The following SCAMP2 variants were observed in gnomAD, a reference collection of about 807,000 sequenced individuals.
SCAMP2 encodes secretory carrier membrane protein 2.
Under a neutral mutation model 44.1 loss-of-function variants are expected in SCAMP2, and 25 were observed. That is an observed-to-expected ratio of 0.57 (90% CI 0.41 to 0.79). The LOEUF is 0.79. Ranked by LOEUF, SCAMP2 falls within the 30% of genes least tolerant of loss-of-function variation. The pLI, the probability that SCAMP2 is intolerant of heterozygous loss-of-function variation, is 0.00. For synonymous variants in SCAMP2, 156 were observed against 166.0 expected (o/e 0.94, Z 0.46); for missense variants, 355 against 411.0 (o/e 0.86, Z 1.18).
chr15:74,862,967 T>C (rs1400093774), intron 1 of SCAMP2, among the ~76,000 whole-genome samples: 1 of 150,772 alleles, frequency 6.6e-6, no homozygotes, highest in Non-Finnish European at 1.5e-5. Flanking sequence ...CCCAGCACTC[T>C]AAGAGGCTGA....
chr15:74,872,002 G>C (rs1001377418), intron 1 of SCAMP2, among the ~76,000 whole-genome samples: 1 of 151,794 alleles, frequency 6.6e-6, no homozygotes, highest in Non-Finnish European at 1.5e-5. Context: ...CCGAGATCGC[G>C]CTACTGCACT....
Position 74,854,624 on chromosome 15 carries a change from T to C in SCAMP2, c.83A>G (p.Asn28Ser), listed in dbSNP as rs771394568. The change falls in exon 2 of 9, where the codon AAC (asparagine) becomes AGC (serine). Residue 28 changes from asparagine to serine, a missense_variant. Asn to Ser is a conservative substitution (Grantham distance 46, BLOSUM62 1). Coordinates refer to ENST00000268099, the MANE Select transcript of SCAMP2 (RefSeq NM_005697.5). ...TTCCGCCAGGCCGCCCTGCGGGGCG[T>C]TGGTCAGCTGGGTCACAGAGGGATC... ...FQDPSVTQLT[N>S]APQGGLAEFN... 4.8e-5 allele frequency: 78 copies of C among 1,609,124 alleles called. 1 individual carries two copies. The South Asian group carries it at 8.6e-4, about 18-fold the overall frequency.
intron 1 of SCAMP2, among the ~76,000 whole-genome samples, chr15:74,870,558 G>GA (rs796353236): frequency 1.9e-4 from 29 of 149,442 alleles, no homozygotes; most frequent in South Asian, 4.2e-4. Context: ...GACATTGGCA[G>GA]AAAAAAAAAA....
At chr15:74,852,039 G>C in intron 4 of SCAMP2, 30 bp downstream of exon 4, 1 of 1,478,474 alleles carries the variant, frequency 6.8e-7, no homozygotes, top group Non-Finnish European at 9.2e-7. Flanking sequence ...GCCAGGCAGG[G>C]CAGCCCCAGG....
intron 1 of SCAMP2, among the ~76,000 whole-genome samples, chr15:74,871,752 C>CA (rs372171871): frequency 3.1e-5 from 4 of 131,052 alleles, no homozygotes; most frequent in Admixed American, 2.3e-4. Flanking sequence ...AACTCTGTCT[C>CA]AAAAAAAAGA....
At chr15:74,850,029 C>A (rs928167685) in intron 6 of SCAMP2, among the ~76,000 whole-genome samples, 1 of 152,152 alleles carries the variant, frequency 6.6e-6, no homozygotes, top group East Asian at 1.9e-4. Context: ...AGGTACAATT[C>A]CAGAACCCCT....
chr15:74,854,160 C>A, intron 2 of SCAMP2, 41 bp from the exon 3 acceptor site: 3 of 1,542,582 alleles, frequency 1.9e-6, no homozygotes, highest in Non-Finnish European at 2.7e-6. Context: ...AGTGGGACTC[C>A]ATTAGCTGGT....
chr15:74,864,153 C>T (rs1596423097), intron 1 of SCAMP2, among the ~76,000 whole-genome samples: 3 of 152,102 alleles, frequency 2.0e-5, no homozygotes. Context: ...CATCCGCTTC[C>T]CAGGTTCAAG....
Position 74,858,320 on chromosome 15 carries a change from A to T in SCAMP2, c.58-3671T>A, listed in dbSNP as rs574137821. 1.6e-4 allele frequency among the ~76,000 whole-genome samples: 24 copies of T among 151,798 alleles called. 2 individuals are homozygous for T. In the South Asian group the frequency reaches 4.4e-3, roughly 28 times the overall value. On this transcript the variant is annotated intron_variant, in intron 1 of 8. Coordinates refer to ENST00000268099, the MANE Select transcript of SCAMP2 (RefSeq NM_005697.5). ...GACCTGGTTCTTCAAAAGACTTATG[A>T]CCCCCTAATCCACTATTTATAATGA...
intron 1 of SCAMP2, among the ~76,000 whole-genome samples, chr15:74,869,796 T>C (rs188933656): frequency 1.3e-5 from 2 of 152,356 alleles, no homozygotes; most frequent in African/African-American, 2.4e-5. Context: ...ACGACTGTTC[T>C]GGAGTGTGAC....
chr15:74,860,881 T>A (rs902699050), intron 1 of SCAMP2, among the ~76,000 whole-genome samples: 3 of 148,270 alleles, frequency 2.0e-5, no homozygotes, highest in South Asian at 2.1e-4. Flanking sequence ...ATAATAATAA[T>A]AAATAAATTC....
chr15:74,849,289 A>C (rs2064419257), intron 6 of SCAMP2, among the ~76,000 whole-genome samples: 1 of 152,204 alleles, frequency 6.6e-6, no homozygotes, highest in Non-Finnish European at 1.5e-5. Flanking sequence ...CTCTACTAAA[A>C]ACACAAAAAT....
chr15:74,849,661 T>C (rs2064422318), intron 6 of SCAMP2, among the ~76,000 whole-genome samples: 1 of 151,660 alleles, frequency 6.6e-6, no homozygotes, highest in African/African-American at 2.4e-5. Flanking sequence ...GGAGAATCAT[T>C]TGAACCCAGG....
chr15:74,860,727 C>A (rs990685987), intron 1 of SCAMP2, among the ~76,000 whole-genome samples: 3 of 148,578 alleles, frequency 2.0e-5, no homozygotes, highest in Non-Finnish European at 4.5e-5. Flanking sequence ...GTGGTGCATG[C>A]CTGTAGTCCC....
chr15:74,861,900 CA>C (rs71140103), intron 1 of SCAMP2, among the ~76,000 whole-genome samples: 1,476 of 44,290 alleles, frequency 0.033, 18 homozygotes, highest in African/African-American at 0.094. Context: ...GACTCTGTCT[CA>C]AAAAAAAAAA....
At chr15:74,871,469 A>C (rs1427186576) in intron 1 of SCAMP2, among the ~76,000 whole-genome samples, 1 of 151,444 alleles carries the variant, frequency 6.6e-6, no homozygotes, top group Non-Finnish European at 1.5e-5. Context: ...AGGAAGAAAG[A>C]GGGCTGGGCG....
chr15:74,852,491 G>A (rs117243734), intron 3 of SCAMP2: 5,005 of 274,950 alleles, frequency 0.018, 76 homozygotes, highest in Middle Eastern at 0.035. Context: ...CCCATACTGG[G>A]TCAAGGCAGC....
rs554499540 is a variant in SCAMP2, at chr15:74,848,856, G to A, written c.633-155C>T. ...CCAGCCATACCACCCGTAAGGACAC[G>A]CACACACCCCCCACCATAATCAAGA... On this transcript the variant is annotated intron_variant, in intron 6 of 8. Transcript: ENST00000268099. Among the ~76,000 whole-genome samples the A allele has an allele frequency of 4.7e-4, 71 of 152,040 alleles. 1 individual carries two copies. The South Asian group carries it at 0.011, about 23-fold the overall frequency.
intron 1 of SCAMP2, among the ~76,000 whole-genome samples, chr15:74,865,494 G>A (rs565947551): frequency 6.6e-6 from 1 of 151,918 alleles, no homozygotes; most frequent in Non-Finnish European, 1.5e-5. Context: ...GGTAGGGAGA[G>A]GATCCGAGAA....
Sources: allele counts gnomAD v4.1 joint callset (sites outside exome capture counted in the v4.1 genomes callset), GRCh38; gene constraint gnomAD v4.1.1; transcripts MANE v1.5; gene names NCBI Gene and HGNC (gene_info 2026-07-23, HGNC 2026-07-21).